The following DNAH9 variants were observed in gnomAD, a reference collection of about 807,000 sequenced individuals.
The protein encoded by DNAH9 is DNAH9 variant protein.
Under a neutral mutation model 471.6 loss-of-function variants are expected in DNAH9, and 345 were observed. The ratio of observed to expected loss-of-function variants is 0.73; its 90% CI spans 0.67 to 0.80. The LOEUF is 0.80. Ranked by LOEUF, DNAH9 falls within the 30% of genes least tolerant of loss-of-function variation. DNAH9 has a pLI of 0.00. For missense variants in DNAH9, 5,407 were observed against 5,609.2 expected, an observed-to-expected ratio of 0.96 and a Z score of 1.15; for synonymous variants, 2,093 against 2,123.6, an observed-to-expected ratio of 0.99 and a Z score of 0.40.
At chr17:11,688,141 G>T (rs1334140836) in intron 19 of DNAH9, among the ~76,000 whole-genome samples, 2 of 150,418 alleles carry the variant, frequency 1.3e-5, no homozygotes, top group African/African-American at 4.9e-5. Context: ...TGCATGTAGG[G>T]TCTTATGTTG....
chr17:11,780,700 T>C (rs1033812365), intron 38 of DNAH9, among the ~76,000 whole-genome samples: 1 of 152,292 alleles, frequency 6.6e-6, no homozygotes, highest in South Asian at 2.1e-4. Context: ...ATCTGTAAAA[T>C]GGGATAATAC....
chr17:11,764,527 G>C (rs1199020868), intron 36 of DNAH9, among the ~76,000 whole-genome samples: 2 of 151,836 alleles, frequency 1.3e-5, no homozygotes, highest in East Asian at 3.9e-4. Flanking sequence ...ACCTTCCATT[G>C]CTCCCTCCCC....
At chr17:11,963,659 A>AT (rs35717040) in intron 68 of DNAH9, among the ~76,000 whole-genome samples, 26,108 of 151,792 alleles carry the variant, frequency 0.17, 2,338 homozygotes, top group Admixed American at 0.21. Context: ...AAGAGTTGAA[A>AT]TTTTTTTTAA....
chr17:11,661,146 T>C (rs1285300462), intron 14 of DNAH9, among the ~76,000 whole-genome samples: 1 of 148,760 alleles, frequency 6.7e-6, no homozygotes, highest in Non-Finnish European at 1.5e-5. Flanking sequence ...TCCTGATTAA[T>C]TGACCATTTT....
chr17:11,943,039 G>A (rs1163521291), intron 67 of DNAH9, among the ~76,000 whole-genome samples: 2 of 151,772 alleles, frequency 1.3e-5, no homozygotes, highest in Non-Finnish European at 2.9e-5. Context: ...GGGACTACAG[G>A]TGCCCGCCAC....
At chr17:11,826,457 T>G (rs1452587214) in intron 48 of DNAH9, among the ~76,000 whole-genome samples, 4 of 16,902 alleles carry the variant, frequency 2.4e-4, no homozygotes, top group Non-Finnish European at 3.7e-4. Context: ...TTTTCTTGGT[T>G]TTTTTTTTTT....
Position 11,679,994 on chromosome 17 carries a change from G to A in DNAH9, c.3576+15G>A. Reference sequence around the variant, plus strand: ...AGCAGCTGGAGGTCAGTGCATTTATGTCTTCCTTATAAAAGAAATAGAGGA... The same window carrying A: ...AGCAGCTGGAGGTCAGTGCATTTATATCTTCCTTATAAAAGAAATAGAGGA... On this transcript the variant is annotated intron_variant, in intron 18 of 68. Transcript: ENST00000262442. The A allele has an allele frequency of 1.3e-6, 2 of 1,592,738 alleles. No individual in the cohort carries two copies. Among genetic ancestry groups the A allele is most frequent in the Non-Finnish European group, 1.7e-6 (2 of 1,161,978 alleles).
intron 1 of DNAH9, 24 bp downstream of exon 1, chr17:11,598,939 C>A (rs769723974): frequency 6.2e-5 from 78 of 1,249,486 alleles, no homozygotes; most frequent in Non-Finnish European, 7.2e-5. Context: ...AGTGTCCCCG[C>A]GCGGCTAAAG....
At chr17:11,738,615 G>A (rs116587324) in intron 28 of DNAH9, among the ~76,000 whole-genome samples, 2,029 of 152,174 alleles carry the variant, frequency 0.013, 43 homozygotes, top group African/African-American at 0.046. Context: ...TCTTGACCTC[G>A]AGTGATCTGC....
In DNAH9 at chr17:11,823,046, C is replaced by T. The variant is rs1055514973; in HGVS notation, c.9246+12C>T. On this transcript the variant is annotated intron_variant, in intron 48 of 68. Transcript: ENST00000262442. The stretch of plus-strand genomic sequence containing the variant: ...GCACCTCTGCCCAGGTGAGCAATGT[C>T]CCGCTCCTTCCACCTGCAGGGGACT... 1.3e-6 allele frequency: 2 copies of T among 1,598,878 alleles called. No individual in the cohort carries two copies. The highest frequency in any genetic ancestry group is 3.5e-5 in the Admixed American group (2 of 57,892).
chr17:11,794,195 C>T (rs1969165270), intron 42 of DNAH9, among the ~76,000 whole-genome samples: 1 of 151,906 alleles, frequency 6.6e-6, no homozygotes, highest in Non-Finnish European at 1.5e-5. Flanking sequence ...CAGGCACCCG[C>T]CACCACACCT....
At chr17:11,880,977 C>T (rs560865429) in intron 54 of DNAH9, among the ~76,000 whole-genome samples, 1 of 152,254 alleles carries the variant, frequency 6.6e-6, no homozygotes, top group African/African-American at 2.4e-5. Flanking sequence ...ACAGGCATGG[C>T]TCTTCCTAGA....
At chr17:11,921,094 T>C (rs1211200538) in intron 61 of DNAH9, among the ~76,000 whole-genome samples, 1 of 151,830 alleles carries the variant, frequency 6.6e-6, no homozygotes, top group Admixed American at 6.6e-5. Context: ...TGAGGTGAGA[T>C]CGTACCACTG....
Position 11,752,878 on chromosome 17 carries a change from A to G in DNAH9, c.6656A>G (p.Asp2219Gly). ...IMRELANITH[D>G]GPKWILLDGD... ...CGGGAGCTTGCCAACATCACCCATG[A>G]TGGGCCCAAGTGGATTTTACTGGAT... The change falls in exon 33 of 69, where the codon GAT becomes GGT. Residue 2219 changes from aspartate to glycine, a missense_variant. Physicochemically the swap from Asp to Gly is moderately conservative, Grantham distance 94. Around this residue, in one of 3 missense-constraint regions of DNAH9, gnomAD observed 4,636 missense variants for 4,900.3 expected, o/e 0.95. Coordinates refer to ENST00000262442, the MANE Select transcript of DNAH9 (RefSeq NM_001372.4). 1.2e-6 allele frequency: 2 copies of G among 1,609,362 alleles called. No individual in the cohort carries two copies. Among genetic ancestry groups the G allele is most frequent in the Non-Finnish European group, 1.7e-6 (2 of 1,177,424 alleles).
chr17:11,851,732 A>G (rs985891734), intron 49 of DNAH9, among the ~76,000 whole-genome samples: 1 of 152,124 alleles, frequency 6.6e-6, no homozygotes, highest in Non-Finnish European at 1.5e-5. Context: ...TGCCAGCTCC[A>G]TGCCTGCCCT....
chr17:11,693,933 T>G lies in DNAH9; in HGVS notation c.4680T>G (p.Ile1560Met). The change falls in exon 21 of 69, where the codon ATT (isoleucine) becomes ATG (methionine). Residue 1560 changes from isoleucine (I) to methionine (M), a missense_variant. Ile to Met is a conservative substitution (Grantham distance 10, BLOSUM62 1). Coordinates refer to ENST00000262442, the MANE Select transcript of DNAH9 (RefSeq NM_001372.4). ...FKELAYDAQKIPNVVQTTNKP... is the reference protein window; with the variant it reads ...FKELAYDAQKMPNVVQTTNKP... Reference sequence around the variant, plus strand: ...AGCTAGCTTATGATGCCCAGAAAATTCCAAATGTAGTGCAAACCACCAACA... The same window carrying G: ...AGCTAGCTTATGATGCCCAGAAAATGCCAAATGTAGTGCAAACCACCAACA... 1.9e-6 allele frequency: 3 copies of G among 1,614,094 alleles called. No homozygotes were observed. The highest frequency in any genetic ancestry group is 1.1e-5 in the South Asian group (1 of 91,072).
At chr17:11,863,552 G>C (rs532705685) in intron 50 of DNAH9, among the ~76,000 whole-genome samples, 2 of 152,138 alleles carry the variant, frequency 1.3e-5, no homozygotes, top group Admixed American at 6.5e-5. Context: ...AGTTAGGGAG[G>C]ATTCCCTCTT....
At chr17:11,926,050 A>AAAAAAAAAAAAAAAAAC (rs1974311535) in intron 62 of DNAH9, among the ~76,000 whole-genome samples, 1 of 150,624 alleles carries the variant, frequency 6.6e-6, no homozygotes, top group African/African-American at 2.4e-5. Context: ...AAAAAAAAAA[A>AAAAAAAAAAAAAAAAAC]AAAAAAAAAA....
chr17:11,676,703 C>A (rs1187941433), intron 17 of DNAH9, among the ~76,000 whole-genome samples: 1 of 151,874 alleles, frequency 6.6e-6, no homozygotes. Flanking sequence ...ATAATTTATT[C>A]TTTTATTATT....
Sources: gnomAD v4.1 joint callset for allele counts (sites outside exome capture counted in the v4.1 genomes callset) on GRCh38, gnomAD v4.1.1 for gene constraint, gnomAD v4.1.1 regional missense constraint, MANE v1.5 for transcripts, NCBI Gene and HGNC (gene_info 2026-07-23, HGNC 2026-07-21) for gene names.